ZNF704: variants seen among roughly 807,000 people sequenced by gnomAD.
ZNF704 encodes glucocorticoid induced gene 1.
ZNF704 carries 10 observed loss-of-function variants against 44.7 expected under a neutral mutation model. The observed-to-expected ratio is 0.22, with a 90% CI of 0.14 to 0.38. The LOEUF is 0.38. Among genes scored for constraint, ZNF704 ranks in the 10% least tolerant of loss-of-function variants. The pLI is 1.00. For missense variants in ZNF704, 390 were observed against 545.5 expected (o/e 0.71, Z 2.84); for synonymous variants, 211 against 207.6 (o/e 1.02, Z -0.14).
chr8:80,883,563 T>C, the ZNF704 span, among the ~76,000 whole-genome samples: 1 of 152,208 alleles, frequency 6.6e-6, no homozygotes. Context: ...TAGCCACATG[T>C]GACTAGTGGC....
intron 2 of ZNF704, among the ~76,000 whole-genome samples, chr8:80,799,322 TAATTG>T (rs1563557495): frequency 6.6e-6 from 1 of 152,260 alleles, no homozygotes; most frequent in Non-Finnish European, 1.5e-5. Context: ...AATTGTTTTA[TAATTG>T]AATTGAATTT....
At chr8:80,801,809 G>T in intron 2 of ZNF704, among the ~76,000 whole-genome samples, 1 of 151,938 alleles carries the variant, frequency 6.6e-6, no homozygotes, top group East Asian at 1.9e-4. Context: ...CAGAAGACAA[G>T]AAATAACCAA....
intron 2 of ZNF704, among the ~76,000 whole-genome samples, chr8:80,784,328 G>T (rs937798954): frequency 6.6e-6 from 1 of 152,138 alleles, no homozygotes; most frequent in African/African-American, 2.4e-5. Context: ...GTTTAGTTTT[G>T]TAAGAAACTG....
chr8:80,649,188 A>C (rs1817876618), intron 7 of ZNF704, among the ~76,000 whole-genome samples: 1 of 152,090 alleles, frequency 6.6e-6, no homozygotes, highest in Non-Finnish European at 1.5e-5. Context: ...AAGAATTTTA[A>C]ATTAGATGGC....
chr8:80,861,365 C>T (rs1301311744), intron 1 of ZNF704, among the ~76,000 whole-genome samples: 6 of 152,118 alleles, frequency 3.9e-5, no homozygotes, highest in African/African-American at 7.2e-5. Flanking sequence ...CCTCTCCTTT[C>T]CTCCACTTCT....
upstream of ZNF704, among the ~76,000 whole-genome samples, chr8:80,877,300 G>A (rs1445525947): frequency 6.6e-6 from 1 of 151,854 alleles, no homozygotes; most frequent in Non-Finnish European, 1.5e-5. Flanking sequence ...GGATGAGAAG[G>A]ATCTGTTCAG....
intron 1 of ZNF704, among the ~76,000 whole-genome samples, chr8:80,873,991 G>T (rs1809310256): frequency 6.8e-6 from 1 of 146,224 alleles, no homozygotes; most frequent in Non-Finnish European, 1.5e-5. Context: ...GCAGCGCGGC[G>T]CCCCCCCGGC....
chr8:80,746,462 T>A (rs1221799298), intron 2 of ZNF704, among the ~76,000 whole-genome samples: 1 of 152,218 alleles, frequency 6.6e-6, no homozygotes, highest in Non-Finnish European at 1.5e-5. Context: ...GGGGATATTG[T>A]ACTGAATGTG....
intron 2 of ZNF704, among the ~76,000 whole-genome samples, chr8:80,726,749 T>C (rs868861921): frequency 5.9e-5 from 9 of 152,130 alleles, no homozygotes; most frequent in Non-Finnish European, 2.9e-5. Context: ...AACAGGCCTT[T>C]TTCATGAGAG....
At chr8:80,855,614 G>T (rs1808947005) in intron 1 of ZNF704, among the ~76,000 whole-genome samples, 2 of 152,116 alleles carry the variant, frequency 1.3e-5, no homozygotes, top group African/African-American at 4.8e-5. Flanking sequence ...AACAGTAACA[G>T]GGAAGGGTAA....
At chr8:80,814,414 T>C (rs1340567042) in intron 2 of ZNF704, among the ~76,000 whole-genome samples, 2 of 152,220 alleles carry the variant, frequency 1.3e-5, no homozygotes, top group Non-Finnish European at 2.9e-5. Flanking sequence ...TCCATGACTA[T>C]ACTTGAGTTT....
chr8:80,742,178 A>G (rs1277632181), intron 2 of ZNF704, among the ~76,000 whole-genome samples: 1 of 152,176 alleles, frequency 6.6e-6, no homozygotes, highest in Non-Finnish European at 1.5e-5. Context: ...GGAACCGCCA[A>G]GCGGATATTG....
chr8:80,747,752 C>T (rs997145914), intron 2 of ZNF704, among the ~76,000 whole-genome samples: 2 of 152,146 alleles, frequency 1.3e-5, no homozygotes, highest in Non-Finnish European at 2.9e-5. Flanking sequence ...GAGTCTCGCT[C>T]GGTCGCCAGG....
intron 6 of ZNF704, among the ~76,000 whole-genome samples, chr8:80,660,356 T>C (rs887626331): frequency 2.6e-5 from 4 of 151,588 alleles, no homozygotes; most frequent in African/African-American, 9.7e-5. Flanking sequence ...TCTGTAGTTC[T>C]AGCTACTTTG....
intron 2 of ZNF704, among the ~76,000 whole-genome samples, chr8:80,700,286 C>T (rs73273009): frequency 0.074 from 11,314 of 152,250 alleles, 1,430 homozygotes; most frequent in African/African-American, 0.26. Context: ...CAACATTCAG[C>T]AGAGTGCTGA....
At chr8:80,691,145 G>C (rs1818626458) in intron 3 of ZNF704, among the ~76,000 whole-genome samples, 1 of 152,214 alleles carries the variant, frequency 6.6e-6, no homozygotes, top group African/African-American at 2.4e-5. Context: ...TGAGGTTGGA[G>C]TAAGTTTTGG....
intron 1 of ZNF704, among the ~76,000 whole-genome samples, chr8:80,832,997 A>G (rs1226505198): frequency 1.3e-5 from 2 of 152,180 alleles, no homozygotes; most frequent in Non-Finnish European, 2.9e-5. Flanking sequence ...ATGTTACAAA[A>G]AGATAAGCAA....
At chr8:80,709,642 G>C (rs908606563) in intron 2 of ZNF704, among the ~76,000 whole-genome samples, 15 of 152,034 alleles carry the variant, frequency 9.9e-5, no homozygotes, top group Non-Finnish European at 1.5e-4. Context: ...CTGTGAGAAA[G>C]GCAGGATTGG....
intron 2 of ZNF704, among the ~76,000 whole-genome samples, chr8:80,795,545 T>TAA (rs201144557): frequency 6.6e-6 from 1 of 150,492 alleles, no homozygotes; most frequent in African/African-American, 2.4e-5. Context: ...TATGTTAAGT[T>TAA]AAAAAAAAAG....
Sources: allele counts gnomAD v4.1 joint callset (sites outside exome capture counted in the v4.1 genomes callset), GRCh38; gene constraint gnomAD v4.1.1; transcripts MANE v1.5; gene names NCBI Gene and HGNC (gene_info 2026-07-23, HGNC 2026-07-21).